The following ZNF8 variants were observed in gnomAD, a reference collection of about 807,000 sequenced individuals.
ZNF8 encodes zinc finger protein 8.
ZNF8 carries 9 observed loss-of-function variants against 12.2 expected under a neutral mutation model. That is an observed-to-expected ratio of 0.73 (90% CI 0.44 to 1.28). The LOEUF (loss-of-function observed/expected upper bound fraction) is 1.28, where lower values mean the gene tolerates loss of function less well. Among genes scored for constraint, ZNF8 ranks in the 50% most tolerant of loss-of-function variants. The pLI is 0.00. For synonymous variants in ZNF8, 274 were observed against 282.3 expected, an observed-to-expected ratio of 0.97 and a Z score of 0.30; for missense variants, 664 against 729.1, an observed-to-expected ratio of 0.91 and a Z score of 1.03.
At position 58,288,366 on chromosome 19, in the gene ZNF8, A is replaced by G. The variant is rs189902709; in HGVS notation, c.289+2161A>G. Among the ~76,000 whole-genome samples the G allele has an allele frequency of 2.2e-4, 34 of 152,236 alleles. 1 individual carries two copies. The Middle Eastern group carries it at 0.01, about 46-fold the overall frequency. ...GGGCTGATTGTTCTGTGATTTTCCC[A>G]GGCTGTCCTTGGGATTACAGTGCAG... On this transcript the variant is annotated intron_variant, in intron 3 of 3. Coordinates refer to ENST00000621650, the MANE Select transcript of ZNF8 (RefSeq NM_021089.3).
chr19:58,288,286 T>C (rs365699), intron 3 of ZNF8, among the ~76,000 whole-genome samples: 87,422 of 151,932 alleles, frequency 0.58, 25,635 homozygotes, highest in Middle Eastern at 0.68. Context: ...GCATTTTTCT[T>C]GTAAAACAGG....
chr19:58,281,463 C>G (rs2051350135), intron 1 of ZNF8, among the ~76,000 whole-genome samples: 1 of 152,082 alleles, frequency 6.6e-6, no homozygotes. Context: ...GCTAGAATTC[C>G]AAGAAGGAAG....
rs1322301907 is a variant in ZNF8 at position 58,278,981 on chromosome 19, G to C, written c.-101G>C. On this transcript the variant is annotated 5_prime_UTR_variant, in exon 1 of 4. Coordinates refer to ENST00000621650, the MANE Select transcript of ZNF8 (RefSeq NM_021089.3). The stretch of plus-strand genomic sequence containing the variant: ...TAGTCGCCGCGTCGCCGGTGCGGCC[G>C]CCATTGTCCGGCGTTCGGCGAGTCG... 1.1e-5 allele frequency: 14 copies of C among 1,310,036 alleles called. No individual in the cohort carries two copies. In the East Asian group the frequency reaches 3.5e-4, roughly 33 times the overall value. 81.2% of individuals were successfully genotyped at this position (1,310,036 alleles called of 1,614,324 possible).
intron 1 of ZNF8, among the ~76,000 whole-genome samples, chr19:58,285,387 C>T (rs1170353548): frequency 1.3e-5 from 2 of 152,186 alleles, no homozygotes; most frequent in Non-Finnish European, 2.9e-5. Context: ...ATCTGTTTTA[C>T]TTAAAACAGT....
chr19:58,286,295 C>T (rs1044197862), intron 3 of ZNF8, 90 bp downstream of exon 3: 2 of 1,088,848 alleles, frequency 1.8e-6, no homozygotes, highest in Non-Finnish European at 2.7e-6. Context: ...GGTTGGTGGT[C>T]CTGAAGACCA....
intron 3 of ZNF8, among the ~76,000 whole-genome samples, chr19:58,291,684 C>T (rs2051420349): frequency 6.6e-6 from 1 of 152,146 alleles, no homozygotes; most frequent in South Asian, 2.1e-4. Flanking sequence ...AGATGGATGC[C>T]AGTGCCAGGC....
intron 3 of ZNF8, among the ~76,000 whole-genome samples, chr19:58,288,523 A>G (rs555144974): frequency 6.6e-6 from 1 of 152,318 alleles, no homozygotes; most frequent in Admixed American, 6.5e-5. Context: ...CTCTTTAGCC[A>G]GAACTAGGTC....
intron 3 of ZNF8, among the ~76,000 whole-genome samples, chr19:58,292,618 TTC>T (rs969095424): frequency 2.0e-5 from 3 of 152,192 alleles, no homozygotes; most frequent in African/African-American, 7.2e-5. Flanking sequence ...GTAACCTACT[TTC>T]TCTCTCTATG....
chr19:58,285,896 A>G lies in ZNF8; in HGVS notation c.193+53A>G, dbSNP rs974860975. 7 of 1,563,144 alleles carry G rather than the reference A, an allele frequency of 4.5e-6. No individual in the cohort carries two copies. In the African/African-American group the frequency reaches 8.2e-5, roughly 18 times the overall value. On this transcript the variant is annotated intron_variant, in intron 2 of 3. Transcript: ENST00000621650. Reference sequence around the variant, plus strand: ...GCTGATTCTCTCTGGGTTATAAGTCATGGGGCCTCTGGTGTGAGGACCTGA... The same window carrying G: ...GCTGATTCTCTCTGGGTTATAAGTCGTGGGGCCTCTGGTGTGAGGACCTGA...
In ZNF8 at chr19:58,294,180, G is replaced by A. The variant is rs1389144098; in HGVS notation, c.372G>A (p.Arg124=). ...PEEEPSHVTG[R]EGFPTDAPYP... ...AGGAGCCATCCCATGTCACGGGAAGGGAAGGATTCCCGACAGATGCTCCTT... is the reference window on the plus strand; with the variant it reads ...AGGAGCCATCCCATGTCACGGGAAGAGAAGGATTCCCGACAGATGCTCCTT... Residue 124 remains arginine, a synonymous_variant, in exon 4 of 4, where the codon AGG becomes AGA. Coordinates refer to ENST00000621650, the MANE Select transcript of ZNF8 (RefSeq NM_021089.3). This position sits in a 1 kb window ranked among gnomAD's most constrained non-coding sequence, Gnocchi z 5.5. 2.5e-6 allele frequency: 4 copies of A among 1,614,102 alleles called. No homozygotes were observed. Among genetic ancestry groups the A allele is most frequent in the African/African-American group, 1.3e-5 (1 of 75,058 alleles).
At position 58,301,686 on chromosome 19, in the gene ZNF8, G is replaced by C. The variant is rs1020577562; in HGVS notation, c.*6150G>C. The C allele has an allele frequency of 2.0e-5, 3 of 152,342 alleles. No homozygotes were observed. The highest frequency in any genetic ancestry group is 7.2e-5 in the African/African-American group (3 of 41,462). The allele number at this position is 152,342 out of a possible 1,614,324, so 9.4% of individuals were successfully genotyped here. A position where few individuals can be genotyped will look rare whatever the true frequency, so the allele number is the denominator to read the frequency against. On this transcript the variant is annotated 3_prime_UTR_variant, in exon 4 of 4. Transcript: ENST00000621650. The stretch of plus-strand genomic sequence containing the variant: ...TGATACTTCTCTGAGGGGGCATGGG[G>C]TTGGCTGAGGTTATAGCAGCCCCAC...
At chr19:58,279,461 C>T in intron 1 of ZNF8, 1 of 1,459,574 alleles carries the variant, frequency 6.9e-7, no homozygotes, top group Non-Finnish European at 9.0e-7. Flanking sequence ...CGCCGACACC[C>T]TTGCCCATTC....
In ZNF8 at chr19:58,296,169, T is replaced by A. The variant is rs2051453646; in HGVS notation, c.*633T>A. 6.6e-6 allele frequency: 1 copy of A among 152,448 alleles called. No homozygotes were observed. Among genetic ancestry groups the A allele is most frequent in the Non-Finnish European group, 1.5e-5 (1 of 68,218 alleles). 9.4% of individuals were successfully genotyped at this position (152,448 alleles called of 1,614,324 possible). A position where few individuals can be genotyped will look rare whatever the true frequency, so the allele number is the denominator to read the frequency against. On this transcript the variant is annotated 3_prime_UTR_variant, in exon 4 of 4. Transcript: ENST00000621650. Reference sequence around the variant, plus strand: ...TTATGTGTGAAGTCCAGTTAGGTTCTCAGTTCATACCCTGAAAACTGCTTA... The same window carrying A: ...TTATGTGTGAAGTCCAGTTAGGTTCACAGTTCATACCCTGAAAACTGCTTA...
chr19:58,279,820 C>G (rs770945517), intron 1 of ZNF8: 1 of 1,414,816 alleles, frequency 7.1e-7, no homozygotes, highest in South Asian at 1.2e-5. Context: ...AAAGCTGCCT[C>G]GCGTGGCAGG....
intron 1 of ZNF8, chr19:58,279,355 A>G (rs1047597277): frequency 2.0e-6 from 3 of 1,464,046 alleles, no homozygotes; most frequent in African/African-American, 1.4e-5. Context: ...TGGCCCCCGA[A>G]TGCGCATGCT....
At position 58,295,428 on chromosome 19, in the gene ZNF8, G is replaced by T. The variant is rs1352268374; in HGVS notation, c.1620G>T (p.Leu540Phe). The T allele has an allele frequency of 6.2e-7, 1 of 1,614,042 alleles. No individual in the cohort carries two copies. The highest frequency in any genetic ancestry group is 1.7e-5 in the Admixed American group (1 of 60,016). ...AGCCGGAAAGCAGAGCCCTGGCTTT[G>T]TTTGACATCCAAAAAATCATGCAAG... ...AGQPESRALA[L>F]FDIQKIMQEK... The change falls in exon 4 of 4, where the codon TTG (leucine) becomes TTT (phenylalanine). Residue 540 changes from leucine to phenylalanine, a missense_variant. Physicochemically the swap from Leu to Phe is conservative, Grantham distance 22 (BLOSUM62 0). Around this residue, in one of 3 missense-constraint regions of ZNF8, gnomAD observed 225 missense variants for 222.0 expected, o/e 1.01. Coordinates refer to ENST00000621650, the MANE Select transcript of ZNF8 (RefSeq NM_021089.3).
In ZNF8 at chr19:58,300,134, G is replaced by A. The variant is rs139620039; in HGVS notation, c.*4598G>A. 2.1e-4 allele frequency: 32 copies of A among 152,246 alleles called. No homozygotes were observed. The highest frequency in any genetic ancestry group is 7.7e-4 in the African/African-American group (32 of 41,534). The allele number at this position is 152,246 out of a possible 1,614,324, so 9.4% of individuals were successfully genotyped here. On this transcript the variant is annotated 3_prime_UTR_variant, in exon 4 of 4. Coordinates refer to ENST00000621650, the MANE Select transcript of ZNF8 (RefSeq NM_021089.3). ...TGAGTTAGTACCATTTTATAGATAG[G>A]CAAAATTTGGCACAGGACAAAAGTT...
At chr19:58,283,247 C>T (rs562000484) in intron 1 of ZNF8, among the ~76,000 whole-genome samples, 1 of 152,256 alleles carries the variant, frequency 6.6e-6, no homozygotes, top group South Asian at 2.1e-4. Context: ...GCTGGGATTA[C>T]AAGCATGAGC....
chr19:58,285,026 A>G (rs1045797716), intron 1 of ZNF8, among the ~76,000 whole-genome samples: 1 of 152,134 alleles, frequency 6.6e-6, no homozygotes, highest in Admixed American at 6.6e-5. Flanking sequence ...ACTCATAGGT[A>G]AGTGTCCTTG....
Sources: allele counts gnomAD v4.1 joint callset (sites outside exome capture counted in the v4.1 genomes callset), GRCh38; gene constraint gnomAD v4.1.1; regional missense constraint gnomAD v4.1.1; non-coding constraint Gnocchi (gnomAD v3.1); transcripts MANE v1.5; gene names NCBI Gene and HGNC (gene_info 2026-07-23, HGNC 2026-07-21).